MYO15B: variants seen among roughly 807,000 people sequenced by gnomAD.
MYO15B encodes the protein myosin XVB.
MYO15B carries 207 observed loss-of-function variants against 119.3 expected under a neutral mutation model. The observed-to-expected ratio is 1.73, with a 90% CI of 1.55 to 1.95. The LOEUF (loss-of-function observed/expected upper bound fraction) is 1.95. MYO15B is among the 30% of genes most tolerant of loss of function. MYO15B has a pLI of 0.00. For synonymous variants in MYO15B, 966 were observed against 498.9 expected, an observed-to-expected ratio of 1.94 and a Z score of -12.48; for missense variants, 2,264 against 1,203.1, an observed-to-expected ratio of 1.88 and a Z score of -13.04.
intron 19 of MYO15B, among the ~76,000 whole-genome samples, chr17:75,604,492 C>T (rs1403833625): frequency 3.6e-5 from 5 of 138,082 alleles, no homozygotes; most frequent in Admixed American, 1.5e-4. Flanking sequence ...CTCCCTTCCA[C>T]GTCCCTCCCT....
At chr17:75,610,351 G>A (rs1163359676) in intron 22 of MYO15B, 92 bp downstream of exon 22, 1 of 591,604 alleles carries the variant, frequency 1.7e-6, no homozygotes, top group Non-Finnish European at 3.0e-6. Flanking sequence ...GACCCTCTCA[G>A]CCCGGCCTCG....
chr17:75,625,480 T>G, intron 60 of MYO15B, 47 bp from the exon 61 acceptor site: 1 of 702,090 alleles, frequency 1.4e-6, no homozygotes, highest in Middle Eastern at 2.3e-4. Context: ...TGCCCAGCCC[T>G]GTACCAGGTG....
chr17:75,625,925 C>T, exon 62 of MYO15B: 1 of 702,722 alleles, frequency 1.4e-6, no homozygotes, highest in Non-Finnish European at 2.6e-6. Flanking sequence ...TCCGGACCCA[C>T]TCTCCTGGGG....
chr17:75,593,591 G>A (rs181878094), intron 9 of MYO15B, among the ~76,000 whole-genome samples: 1 of 150,010 alleles, frequency 6.7e-6, no homozygotes, highest in Admixed American at 6.7e-5. Context: ...TCCAGCCTAG[G>A]TGACAGAGCG....
At chr17:75,617,064 A>C (rs994808900) in intron 40 of MYO15B, 21 bp from the exon 41 acceptor site, 8 of 686,136 alleles carry the variant, frequency 1.2e-5, no homozygotes, top group Non-Finnish European at 2.1e-5. Context: ...CAGCCCGTGT[A>C]CTTTCTCCGT....
chr17:75,600,947 A>G (rs2057242632), intron 14 of MYO15B, among the ~76,000 whole-genome samples: 1 of 136,538 alleles, frequency 7.3e-6, no homozygotes, highest in African/African-American at 2.8e-5. Flanking sequence ...ACTGTCACCC[A>G]GGCTGTAGTG....
At position 75,619,676 on chromosome 17, in the gene MYO15B, T is replaced by C; in HGVS notation, c.7183-5T>C. 1.4e-6 allele frequency: 1 copy of C among 702,788 alleles called. No homozygotes were observed. Among genetic ancestry groups the C allele is most frequent in the South Asian group, 1.5e-5 (1 of 67,582 alleles). 43.5% of individuals were successfully genotyped at this position (702,788 alleles called of 1,614,324 possible). On this transcript the variant is annotated splice_polypyrimidine_tract_variant and splice_region_variant and intron_variant, in intron 45 of 63. Coordinates refer to ENST00000645453, the Ensembl canonical transcript of MYO15B. Reference sequence around the variant, plus strand: ...GACTGCCCGAGACCCACCACCTTCCTGTAGGGCGAGAGTGGCAGCGACGTG... The same window carrying C: ...GACTGCCCGAGACCCACCACCTTCCCGTAGGGCGAGAGTGGCAGCGACGTG...
At chr17:75,595,295 T>C (rs2056784123) in intron 12 of MYO15B, among the ~76,000 whole-genome samples, 1 of 152,180 alleles carries the variant, frequency 6.6e-6, no homozygotes, top group African/African-American at 2.4e-5. Flanking sequence ...CATCCAAGCA[T>C]GGTCTCTGCT....
chr17:75,602,954 A>G lies in MYO15B; in HGVS notation c.3845+9A>G, dbSNP rs1340277792. ...ATAGCCCGGCTGGGCAGGTAAGAAC[A>G]GCGCCCGCCACACCAGACCCCAGGG... On this transcript the variant is annotated intron_variant, in intron 17 of 63. Transcript: ENST00000645453. The G allele has an allele frequency of 1.4e-6, 1 of 693,130 alleles. No individual in the cohort carries two copies. Among genetic ancestry groups the G allele is most frequent in the African/African-American group, 1.7e-5 (1 of 57,228 alleles). The allele number at this position is 693,130 out of a possible 1,614,324, so 42.9% of individuals were successfully genotyped here. A position where few individuals can be genotyped will look rare whatever the true frequency, so the allele number is the denominator to read the frequency against.
chr17:75,598,579 A>G (rs820263), intron 14 of MYO15B, among the ~76,000 whole-genome samples: 100,693 of 150,362 alleles, frequency 0.67, 34,177 homozygotes, highest in East Asian at 0.78. Flanking sequence ...TGGTAAAATC[A>G]TCAAATGTTA....
rs531092902 is a variant in MYO15B, at chr17:75,617,444, C to T, written c.6814+140C>T. 17 of 562,328 alleles carry T rather than the reference C, an allele frequency of 3.0e-5. 1 individual carries two copies. The highest frequency in any genetic ancestry group is 1.9e-4 in the African/African-American group (10 of 52,568). 34.8% of individuals were successfully genotyped at this position (562,328 alleles called of 1,614,324 possible). Reference sequence around the variant, plus strand: ...CGGGCTTCTGGACTTTGGAGCCATACGTAGCTGGGGAGTCCCAGCTTCCGC... The same window carrying T: ...CGGGCTTCTGGACTTTGGAGCCATATGTAGCTGGGGAGTCCCAGCTTCCGC... On this transcript the variant is annotated intron_variant, in intron 41 of 63. Coordinates refer to ENST00000645453, the Ensembl canonical transcript of MYO15B.
intron 52 of MYO15B, 101 bp downstream of exon 52, chr17:75,621,671 T>A (rs2058720484): frequency 3.1e-6 from 2 of 639,730 alleles, no homozygotes. Context: ...TCTGTCCCAG[T>A]CTGCCAACTC....
At chr17:75,609,627 CCCTT>C (rs1274083668) in intron 21 of MYO15B, among the ~76,000 whole-genome samples, 5 of 150,684 alleles carry the variant, frequency 3.3e-5, no homozygotes, top group African/African-American at 1.2e-4. Context: ...TCTCCTTCCT[CCCTT>C]CCTCCCTCTC....
At position 75,621,423 on chromosome 17, in the gene MYO15B, G is replaced by A; in HGVS notation, c.7935+15G>A. 1 of 699,830 alleles carries A rather than the reference G, an allele frequency of 1.4e-6. No homozygotes were observed. Among genetic ancestry groups the A allele is most frequent in the Non-Finnish European group, 2.6e-6 (1 of 382,508 alleles). 43.4% of individuals were successfully genotyped at this position (699,830 alleles called of 1,614,324 possible). ...AGTACACCAAGGTGGGAGAGAGGCA[G>A]GGAGGGGTCTGGCCCGTAGATCTGC... On this transcript the variant is annotated intron_variant, in intron 51 of 63. Transcript: ENST00000645453.
exon 60 of MYO15B, chr17:75,625,182 C>G: frequency 1.4e-6 from 1 of 702,572 alleles, no homozygotes; most frequent in Non-Finnish European, 2.6e-6. Context: ...ACGCGCAGCT[C>G]GCCAGGCTGG....
At chr17:75,591,450 G>C in intron 4 of MYO15B, 151 bp from the exon 5 acceptor site, 1 of 620,318 alleles carries the variant, frequency 1.6e-6, no homozygotes, top group South Asian at 1.9e-5. Flanking sequence ...TTTCTGTCGG[G>C]TCTCTCCATG....
At chr17:75,611,756 A>T (rs920905287) in intron 24 of MYO15B, 98 bp downstream of exon 24, 3 of 695,526 alleles carry the variant, frequency 4.3e-6, no homozygotes, top group Non-Finnish European at 7.9e-6. Flanking sequence ...GATGCTCCAG[A>T]CTCCCCTGAG....
exon 25 of MYO15B, chr17:75,611,976 A>T (rs2058058203): frequency 4.3e-6 from 3 of 702,404 alleles, no homozygotes; most frequent in Non-Finnish European, 7.8e-6. Flanking sequence ...GCAGACATTG[A>T]CCTGTTCCCT....
At chr17:75,596,511 C>T (rs780432726) in exon 13 of MYO15B, 14 of 702,916 alleles carry the variant, frequency 2.0e-5, no homozygotes, top group South Asian at 3.0e-5. Flanking sequence ...CGCCAGCGAG[C>T]GCCTACAGCT....
Sources: gnomAD v4.1 joint callset for allele counts (sites outside exome capture counted in the v4.1 genomes callset) on GRCh38, gnomAD v4.1.1 for gene constraint, MANE v1.5 for transcripts, NCBI Gene and HGNC (gene_info 2026-07-23, HGNC 2026-07-21) for gene names.